XKR6: variants seen among roughly 807,000 people sequenced by gnomAD.
XKR6 encodes the protein XK related 6.
Under a neutral mutation model 56.7 loss-of-function variants are expected in XKR6, and 22 were observed. The ratio of observed to expected loss-of-function variants is 0.39; its 90% confidence interval spans 0.28 to 0.55. The LOEUF is 0.55. XKR6 is among the 20% of genes least tolerant of loss of function. The pLI, the probability that XKR6 is intolerant of heterozygous loss-of-function variation, is 0.66. For synonymous variants in XKR6, 524 were observed against 387.8 expected (o/e 1.35, Z -4.13); for missense variants, 852 against 889.0 (o/e 0.96, Z 0.53).
intron 1 of XKR6, among the ~76,000 whole-genome samples, chr8:11,085,581 G>A (rs1367258540): frequency 6.6e-6 from 1 of 152,156 alleles, no homozygotes; most frequent in African/African-American, 2.4e-5. Context: ...GGGCACTGCT[G>A]GACGAGGAGG....
chr8:11,057,262 A>G (rs181160077), intron 1 of XKR6, among the ~76,000 whole-genome samples: 495 of 152,256 alleles, frequency 3.3e-3, no homozygotes, highest in Non-Finnish European at 6.0e-3. Context: ...CACACTTGTC[A>G]CTGTCTAACT....
chr8:11,007,989 G>T (rs1798410425), intron 1 of XKR6, among the ~76,000 whole-genome samples: 1 of 152,142 alleles, frequency 6.6e-6, no homozygotes, highest in Non-Finnish European at 1.5e-5. Context: ...TGGATGTGTG[G>T]GTGCTCCCTG....
chr8:11,040,952 A>C (rs1228060749), intron 1 of XKR6, among the ~76,000 whole-genome samples: 1 of 152,174 alleles, frequency 6.6e-6, no homozygotes. Flanking sequence ...ATCTACGTAC[A>C]TCGGGCAGAT....
chr8:11,196,005 T>A (rs1987190), intron 1 of XKR6, among the ~76,000 whole-genome samples: 45,957 of 150,736 alleles, frequency 0.3, 7,726 homozygotes, highest in Non-Finnish European at 0.37. Flanking sequence ...CACCCATTAA[T>A]AAGCATATAA....
At chr8:11,173,667 G>A (rs1461664690) in intron 1 of XKR6, among the ~76,000 whole-genome samples, 2 of 152,128 alleles carry the variant, frequency 1.3e-5, no homozygotes, top group Admixed American at 1.3e-4. Flanking sequence ...CTCCCACTGT[G>A]AGGGAGCAGT....
intron 1 of XKR6, among the ~76,000 whole-genome samples, chr8:11,109,923 A>G (rs1798823211): frequency 1.3e-5 from 2 of 152,220 alleles, no homozygotes; most frequent in Admixed American, 1.3e-4. Flanking sequence ...AGAGGTTCAG[A>G]TTAAAATTTA....
chr8:11,199,789 G>C (rs1804100049), intron 1 of XKR6, among the ~76,000 whole-genome samples: 1 of 152,196 alleles, frequency 6.6e-6, no homozygotes. Context: ...CTTGCGTCTT[G>C]TGTAAATATA....
chr8:10,931,800 T>C (rs1431918866), intron 1 of XKR6, among the ~76,000 whole-genome samples: 2 of 151,696 alleles, frequency 1.3e-5, no homozygotes, highest in Admixed American at 6.6e-5. Flanking sequence ...CAAAGAGTTC[T>C]TAAATGACAG....
At chr8:10,937,622 C>G (rs1281446386) in intron 1 of XKR6, among the ~76,000 whole-genome samples, 4 of 150,170 alleles carry the variant, frequency 2.7e-5, no homozygotes, top group Non-Finnish European at 5.9e-5. Flanking sequence ...TTCTAACAGA[C>G]AGCACCCTCA....
intron 2 of XKR6, 92 bp downstream of exon 2, chr8:10,924,542 G>C: frequency 6.8e-7 from 1 of 1,466,078 alleles, no homozygotes; most frequent in Non-Finnish European, 9.2e-7. Context: ...AATGCCCACA[G>C]AGCGTGCCAG....
At chr8:11,178,042 A>C (rs1220420594) in intron 1 of XKR6, among the ~76,000 whole-genome samples, 1 of 152,180 alleles carries the variant, frequency 6.6e-6, no homozygotes, top group Non-Finnish European at 1.5e-5. Context: ...GGAGATTGCC[A>C]CAGCACAGAA....
At chr8:11,193,789 C>A (rs1803717645) in intron 1 of XKR6, among the ~76,000 whole-genome samples, 2 of 139,414 alleles carry the variant, frequency 1.4e-5, no homozygotes, top group Non-Finnish European at 3.0e-5. Context: ...TTCAGAAAAA[C>A]CTCCAAAATA....
intron 2 of XKR6, among the ~76,000 whole-genome samples, chr8:10,900,046 G>A (rs779517797): frequency 1.3e-5 from 2 of 151,712 alleles, no homozygotes; most frequent in African/African-American, 2.4e-5. Flanking sequence ...GTCCATCTGG[G>A]GCCTCTTTTG....
chr8:11,138,767 T>G lies in XKR6; in HGVS notation c.764+61809A>C, dbSNP rs190356897. Among the ~76,000 whole-genome samples, 5 of 152,336 alleles carry G rather than the reference T, an allele frequency of 3.3e-5. No homozygotes were observed. In the East Asian group the frequency reaches 9.6e-4, roughly 29 times the overall value. Reference sequence around the variant, plus strand: ...TGATTCCTACAGCCAGAAGGACAGTTAAATTCCCAGTCCTCTGAATTTTCA... The same window carrying G: ...TGATTCCTACAGCCAGAAGGACAGTGAAATTCCCAGTCCTCTGAATTTTCA... On this transcript the variant is annotated intron_variant, in intron 1 of 2. Transcript: ENST00000416569.
At chr8:11,159,618 G>C (rs1003158350) in intron 1 of XKR6, among the ~76,000 whole-genome samples, 4 of 152,194 alleles carry the variant, frequency 2.6e-5, no homozygotes, top group Admixed American at 6.5e-5. Flanking sequence ...ATCCAAACTA[G>C]AGCAGAAACT....
chr8:11,107,021 C>G (rs965781830), intron 1 of XKR6, among the ~76,000 whole-genome samples: 8 of 151,804 alleles, frequency 5.3e-5, no homozygotes, highest in Non-Finnish European at 1.2e-4. Flanking sequence ...TGAAAACCTC[C>G]CATCCCCAGA....
chr8:11,168,707 G>T (rs920359837), intron 1 of XKR6, among the ~76,000 whole-genome samples: 4 of 152,212 alleles, frequency 2.6e-5, no homozygotes, highest in Admixed American at 2.6e-4. Context: ...GAGAAAGTTA[G>T]GTAGTTAGGG....
chr8:11,001,446 C>G (rs958212392), intron 1 of XKR6, among the ~76,000 whole-genome samples: 2 of 152,214 alleles, frequency 1.3e-5, no homozygotes, highest in African/African-American at 4.8e-5. Flanking sequence ...CACAGCTAGA[C>G]TCTCGAATAT....
rs547315882 is a variant in XKR6 at position 11,201,557 on chromosome 8, C to T, written c.-218G>A. 7.9e-5 allele frequency among the ~76,000 whole-genome samples: 12 copies of T among 152,044 alleles called. No homozygotes were observed. The highest frequency in any genetic ancestry group is 1.5e-4 in the Non-Finnish European group (10 of 67,988). ...GCGAGCCCCCCAATCGCACGGCGCC[C>T]GCAGCTCCCCAGCCCTACCCTCCCG... On this transcript the variant is annotated 5_prime_UTR_variant, in exon 1 of 3. Transcript: ENST00000416569.
Sources: gnomAD v4.1 joint callset for allele counts (sites outside exome capture counted in the v4.1 genomes callset) on GRCh38, gnomAD v4.1.1 for gene constraint, MANE v1.5 for transcripts, NCBI Gene and HGNC (gene_info 2026-07-23, HGNC 2026-07-21) for gene names.